The following SPTLC2 variants were observed in gnomAD, a reference collection of about 807,000 sequenced individuals.
The protein encoded by SPTLC2 is serine palmitoyltransferase 2.
In SPTLC2, 21 loss-of-function variants were observed where a neutral mutation model predicts 62.0. The ratio of observed to expected loss-of-function variants is 0.34; its 90% CI spans 0.24 to 0.49. The LOEUF is 0.49. Among genes scored for constraint, SPTLC2 ranks in the 20% least tolerant of loss-of-function variants. The pLI, the probability that SPTLC2 is intolerant of heterozygous loss-of-function variation, is 0.99. For missense variants in SPTLC2, 511 were observed against 713.0 expected, an observed-to-expected ratio of 0.72 and a Z score of 3.23; for synonymous variants, 261 against 261.8, an observed-to-expected ratio of 1.00 and a Z score of 0.03.
At chr14:77,561,806 C>T (rs2079616640) in intron 6 of SPTLC2, among the ~76,000 whole-genome samples, 1 of 152,196 alleles carries the variant, frequency 6.6e-6, no homozygotes, top group African/African-American at 2.4e-5. Flanking sequence ...TGTGCCTGTA[C>T]ACATTTTGGG....
intron 10 of SPTLC2, among the ~76,000 whole-genome samples, chr14:77,520,776 A>G (rs1334392356): frequency 3.9e-5 from 6 of 152,240 alleles, no homozygotes; most frequent in Non-Finnish European, 8.8e-5. Context: ...TAATCTGCAC[A>G]CCTGGTAAGT....
chr14:77,512,088 T>G lies in SPTLC2; in HGVS notation c.*196A>C. 1 of 682,390 alleles carries G rather than the reference T, an allele frequency of 1.5e-6. No individual in the cohort carries two copies. Among genetic ancestry groups the G allele is most frequent in the South Asian group, 1.9e-5 (1 of 52,190 alleles). 42.3% of individuals were successfully genotyped at this position (682,390 alleles called of 1,614,324 possible). ...TCACCTTCGTTTTTAAAGGTGAGAT[T>G]TAGCAAAGGAAGGATTAGAAGCAGT... is the stretch of plus-strand genomic sequence containing the variant. On this transcript the variant is annotated 3_prime_UTR_variant, in exon 12 of 12. Coordinates refer to ENST00000216484, the MANE Select transcript of SPTLC2 (RefSeq NM_004863.4).
chr14:77,587,899 C>T (rs2079791347), intron 2 of SPTLC2, among the ~76,000 whole-genome samples: 3 of 150,668 alleles, frequency 2.0e-5, no homozygotes, highest in South Asian at 2.1e-4. Flanking sequence ...AAATCTATAA[C>T]GTTTTGAATT....
At chr14:77,602,168 C>T (rs956829144) in intron 1 of SPTLC2, among the ~76,000 whole-genome samples, 1 of 152,120 alleles carries the variant, frequency 6.6e-6, no homozygotes, top group African/African-American at 2.4e-5. Context: ...CTCAGCTAGA[C>T]CTCAGATGCT....
At chr14:77,581,307 T>G (rs183618044) in intron 2 of SPTLC2, among the ~76,000 whole-genome samples, 1 of 151,970 alleles carries the variant, frequency 6.6e-6, no homozygotes, top group East Asian at 1.9e-4. Flanking sequence ...GACTCTCAAG[T>G]GCCTATTGAA....
chr14:77,549,702 C>T (rs189580644), intron 9 of SPTLC2, among the ~76,000 whole-genome samples: 82 of 152,288 alleles, frequency 5.4e-4, no homozygotes, highest in South Asian at 4.6e-3. Flanking sequence ...GCTGTTGTGT[C>T]ACATCACTAA....
rs1473880768 is a variant in SPTLC2 at position 77,531,467 on chromosome 14, C to T, written c.1304-9886G>A. Among the ~76,000 whole-genome samples the T allele has an allele frequency of 2.5e-3, 267 of 107,824 alleles. 1 individual carries two copies. The highest frequency in any genetic ancestry group is 0.014 in the Middle Eastern group (3 of 216). 70.7% of individuals were successfully genotyped at this position (107,824 alleles called of 152,430 possible). A position where few individuals can be genotyped will look rare whatever the true frequency, so the allele number is the denominator to read the frequency against. The stretch of plus-strand genomic sequence containing the variant: ...TTCTCCTCCTTCTCCTCCTCCTCCT[C>T]CTCCTCCCCCTCCCCCTCCTCCTCC... On this transcript the variant is annotated intron_variant, in intron 9 of 11. Transcript: ENST00000216484.
At chr14:77,528,286 C>G (rs1366952395) in intron 9 of SPTLC2, among the ~76,000 whole-genome samples, 1 of 151,946 alleles carries the variant, frequency 6.6e-6, no homozygotes, top group South Asian at 2.1e-4. Context: ...GGCAGGAGTG[C>G]AATGGCGCGA....
chr14:77,585,736 C>T (rs192036546), intron 2 of SPTLC2, among the ~76,000 whole-genome samples: 40 of 152,186 alleles, frequency 2.6e-4, no homozygotes, highest in Admixed American at 1.0e-3. Context: ...TCAAAACTTG[C>T]TAAGTAAAGG....
rs138308906 is a variant in SPTLC2, at chr14:77,550,747, C to CA, written c.1303+1348dup. The stretch of plus-strand genomic sequence containing the variant: ...TGAAACCCCATCTCTACAAAAAATA[C>CA]AAAAAAAATGGCCAGGTGTGGTGGC... On this transcript the variant is annotated intron_variant, in intron 9 of 11. Transcript: ENST00000216484. 4.0e-3 allele frequency among the ~76,000 whole-genome samples: 605 copies of CA among 149,850 alleles called. 3 individuals are homozygous for CA. The highest frequency in any genetic ancestry group is 0.013 in the African/African-American group (542 of 40,866).
intron 11 of SPTLC2, among the ~76,000 whole-genome samples, chr14:77,517,022 G>A (rs375502024): frequency 3.3e-5 from 5 of 152,164 alleles, no homozygotes; most frequent in Admixed American, 2.6e-4. Context: ...TGAGGCAGGC[G>A]GATCACCTGA....
At chr14:77,603,786 C>A (rs187194170) in intron 1 of SPTLC2, among the ~76,000 whole-genome samples, 1 of 152,220 alleles carries the variant, frequency 6.6e-6, no homozygotes, top group Non-Finnish European at 1.5e-5. Flanking sequence ...GCATCCTGTA[C>A]ACACTGGGCA....
chr14:77,615,284 C>G (rs2079960388), intron 1 of SPTLC2, among the ~76,000 whole-genome samples: 1 of 152,150 alleles, frequency 6.6e-6, no homozygotes, highest in Non-Finnish European at 1.5e-5. Context: ...TTATTTTTCC[C>G]CTCAACTCAG....
chr14:77,534,465 G>A (rs1044586094), intron 9 of SPTLC2, among the ~76,000 whole-genome samples: 16 of 152,124 alleles, frequency 1.1e-4, no homozygotes, highest in African/African-American at 3.9e-4. Flanking sequence ...CACTAAAGAA[G>A]TCAAATTAGG....
intron 9 of SPTLC2, among the ~76,000 whole-genome samples, chr14:77,545,981 T>C (rs1351344428): frequency 6.6e-6 from 1 of 152,236 alleles, no homozygotes; most frequent in Non-Finnish European, 1.5e-5. Context: ...AAAGGGCTAC[T>C]GATCCATGGA....
intron 11 of SPTLC2, among the ~76,000 whole-genome samples, chr14:77,516,402 C>G (rs1267193900): frequency 6.6e-6 from 1 of 152,040 alleles, no homozygotes; most frequent in Non-Finnish European, 1.5e-5. Context: ...TGGATTACTG[C>G]CATAGACACT....
chr14:77,613,919 G>A (rs1257106365), intron 1 of SPTLC2, among the ~76,000 whole-genome samples: 1 of 152,206 alleles, frequency 6.6e-6, no homozygotes, highest in Admixed American at 6.5e-5. Flanking sequence ...TCTCTCTTTT[G>A]TATAAGAAAG....
rs915562976 is a variant in SPTLC2, at chr14:77,509,008, T to C, written c.*3276A>G. On this transcript the variant is annotated 3_prime_UTR_variant, in exon 12 of 12. Coordinates refer to ENST00000216484, the MANE Select transcript of SPTLC2 (RefSeq NM_004863.4). ...AATCACTGGAAGCATGTTCAACTCCTTGGTGTTTGAAGAGGCATGACACAA... is the reference window on the plus strand; with the variant it reads ...AATCACTGGAAGCATGTTCAACTCCCTGGTGTTTGAAGAGGCATGACACAA... 4.6e-5 allele frequency: 7 copies of C among 152,208 alleles called. No homozygotes were observed. Among genetic ancestry groups the C allele is most frequent in the Non-Finnish European group, 8.8e-5 (6 of 68,030 alleles). 9.4% of individuals were successfully genotyped at this position (152,208 alleles called of 1,614,324 possible).
At position 77,521,464 on chromosome 14, in the gene SPTLC2, T is replaced by C. The variant is rs1242403870; in HGVS notation, c.1421A>G (p.Tyr474Cys). 6.2e-7 allele frequency: 1 copy of C among 1,614,184 alleles called. No homozygotes were observed. Among genetic ancestry groups the C allele is most frequent in the African/African-American group, 1.3e-5 (1 of 75,056 alleles). Residue 474 changes from tyrosine to cysteine, a missense_variant, in exon 10 of 12, where the codon TAC becomes TGC. Transcript: ENST00000216484. The stretch of plus-strand genomic sequence containing the variant: ...AACGTACCCAATTTTGGCAGGCATG[T>C]AGAGCATCAAAGGCACTACTGGAGA... ...EDSPVVPLML[Y>C]MPAKIGAFGR...
Sources: allele counts gnomAD v4.1 joint callset (sites outside exome capture counted in the v4.1 genomes callset), GRCh38; gene constraint gnomAD v4.1.1; transcripts MANE v1.5; gene names NCBI Gene and HGNC (gene_info 2026-07-23, HGNC 2026-07-21).